Variants in TMEM255B observed in about 807,000 individuals in gnomAD.
TMEM255B encodes transmembrane protein 255B.
A neutral mutation model predicts 34.5 loss-of-function variants in TMEM255B; 35 were observed. That is an observed-to-expected ratio of 1.01 (90% CI 0.77 to 1.34). The LOEUF (loss-of-function observed/expected upper bound fraction) is 1.34, where lower values mean the gene tolerates loss of function less well. Among genes scored for constraint, TMEM255B ranks in the 40% most tolerant of loss-of-function variants. The pLI, the probability that TMEM255B is intolerant of heterozygous loss-of-function variation, is 0.00. For missense variants in TMEM255B, 432 were observed against 433.2 expected (o/e 1.00, Z 0.02); for synonymous variants, 206 against 201.2 (o/e 1.02, Z -0.20).
In TMEM255B at chr13:113,812,928, T is replaced by TCCCGGGTGGGTCACAGGC. The variant is rs2051348772; in HGVS notation, c.*1039_*1040insAGGCCCCGGGTGGGTCAC. The TCCCGGGTGGGTCACAGGC allele has an allele frequency of 9.1e-6, 1 of 109,448 alleles. No homozygotes were observed. Among genetic ancestry groups the TCCCGGGTGGGTCACAGGC allele is most frequent in the African/African-American group, 4.2e-5 (1 of 23,790 alleles). The allele number at this position is 109,448 out of a possible 1,614,324, so 6.8% of individuals were successfully genotyped here. On this transcript the variant is annotated 3_prime_UTR_variant, in exon 9 of 9. Coordinates refer to ENST00000375353, the MANE Select transcript of TMEM255B (RefSeq NM_182614.4). ...TCACAGGCCCCGGGTGAGTCACGGG[T>TCCCGGGTGGGTCACAGGC]CCCGGGTGGGTCACGGGTCCCGGGT...
rs975082348 is a variant in TMEM255B at position 113,806,943 on chromosome 13, C to A, written c.813+1915C>A. Among the ~76,000 whole-genome samples, 7 of 152,202 alleles carry A rather than the reference C, an allele frequency of 4.6e-5. No individual in the cohort carries two copies. The highest frequency in any genetic ancestry group is 1.7e-4 in the African/African-American group (7 of 41,450). On this transcript the variant is annotated intron_variant, in intron 8 of 8. Coordinates refer to ENST00000375353, the MANE Select transcript of TMEM255B (RefSeq NM_182614.4). The surrounding 1 kb of genome is among the most constrained non-coding windows in gnomAD (Gnocchi z 4.2). Reference sequence around the variant, plus strand: ...TCGCATGGGTGCCAAGAACGTGCAGCCCAGAGCATAGCCTCGGTGGCCCAT... The same window carrying A: ...TCGCATGGGTGCCAAGAACGTGCAGACCAGAGCATAGCCTCGGTGGCCCAT...
Position 113,814,101 on chromosome 13 carries a change from GC to G in TMEM255B, c.*2200del, listed in dbSNP as rs2051377744. 3 of 152,356 alleles carry G rather than the reference GC, an allele frequency of 2.0e-5. No homozygotes were observed. In the Middle Eastern group the frequency reaches 0.01, roughly 518 times the overall value. The allele number at this position is 152,356 out of a possible 1,614,324, so 9.4% of individuals were successfully genotyped here. On this transcript the variant is annotated 3_prime_UTR_variant, in exon 9 of 9. Coordinates refer to ENST00000375353, the MANE Select transcript of TMEM255B (RefSeq NM_182614.4). ...GGAAGGCTCTATGGGCGCCGATGGT[GC>G]CGTGGTCTTGTGTGGGCGGTTCCTG...
At chr13:113,790,344 A>G (rs34409548) in intron 3 of TMEM255B, among the ~76,000 whole-genome samples, 56 of 51,668 alleles carry the variant, frequency 1.1e-3, no homozygotes, top group Middle Eastern at 0.015. Context: ...CCGGACACAT[A>G]GACATCCTAG....
intron 2 of TMEM255B, chr13:113,768,182 G>C (rs531822506): frequency 2.1e-6 from 1 of 470,034 alleles, no homozygotes; most frequent in African/African-American, 2.0e-5. Context: ...CCGGCCCGGC[G>C]CACCTGCGTG....
chr13:113,778,164 T>A (rs1391037969), intron 3 of TMEM255B, among the ~76,000 whole-genome samples: 1 of 152,212 alleles, frequency 6.6e-6, no homozygotes, highest in Non-Finnish European at 1.5e-5. Flanking sequence ...TGTTCCTGTC[T>A]GGCAGAACCC....
At chr13:113,799,118 A>T (rs1180810498) in intron 4 of TMEM255B, among the ~76,000 whole-genome samples, 2 of 152,178 alleles carry the variant, frequency 1.3e-5, no homozygotes, top group Admixed American at 6.5e-5. Flanking sequence ...GTACCCTCCC[A>T]TGGGGCTTTC....
chr13:113,777,282 C>T lies in TMEM255B; in HGVS notation c.252+8122C>T, dbSNP rs7491011. ...CTCCCTCTCCTCTATCTCTCTGTCT[C>T]TGTCTCCCTCTCTATCTCTCTGCCT... On this transcript the variant is annotated intron_variant, in intron 3 of 8. Coordinates refer to ENST00000375353, the MANE Select transcript of TMEM255B (RefSeq NM_182614.4). Among the ~76,000 whole-genome samples, 526 of 152,184 alleles carry T rather than the reference C, an allele frequency of 3.5e-3. 6 individuals carry two copies. The highest frequency in any genetic ancestry group is 0.012 in the African/African-American group (508 of 41,530).
intron 3 of TMEM255B, among the ~76,000 whole-genome samples, chr13:113,774,188 A>G (rs1218390706): frequency 6.6e-6 from 1 of 151,590 alleles, no homozygotes; most frequent in Non-Finnish European, 1.5e-5. Flanking sequence ...TTTCATTTAT[A>G]AAGATTTCAC....
intron 4 of TMEM255B, among the ~76,000 whole-genome samples, chr13:113,798,998 A>C (rs746681199): frequency 1.8e-4 from 28 of 152,232 alleles, no homozygotes; most frequent in Non-Finnish European, 4.0e-4. Flanking sequence ...GAAACGATGC[A>C]GGAGCCTAAC....
Position 113,811,945 on chromosome 13 carries a change from T to TAAG in TMEM255B, c.*44_*45insGAA. 1 of 1,493,718 alleles carries TAAG rather than the reference T, an allele frequency of 6.7e-7. No homozygotes were observed. The highest frequency in any genetic ancestry group is 2.3e-5 in the Admixed American group (1 of 43,902). 92.5% of individuals were successfully genotyped at this position (1,493,718 alleles called of 1,614,324 possible). A position where few individuals can be genotyped will look rare whatever the true frequency, so the allele number is the denominator to read the frequency against. ...AAGATAACTTGTTTGTTTTTTTTTT[T>TAAG]AAAAAAAAGGCAGCCTCTAGAAATC... On this transcript the variant is annotated 3_prime_UTR_variant, in exon 9 of 9. Coordinates refer to ENST00000375353, the MANE Select transcript of TMEM255B (RefSeq NM_182614.4).
intron 1 of TMEM255B, among the ~76,000 whole-genome samples, chr13:113,759,603 C>G (rs2050261529): frequency 6.6e-6 from 1 of 152,198 alleles, no homozygotes; most frequent in African/African-American, 2.4e-5. Context: ...CAGTCTTTGC[C>G]TTTCTCTGAC....
rs2050999513 is a variant in TMEM255B at position 113,799,374 on chromosome 13, T to A, written c.378T>A (p.Phe126Leu). 6.2e-7 allele frequency: 1 copy of A among 1,614,162 alleles called. No homozygotes were observed. Among genetic ancestry groups the A allele is most frequent in the Non-Finnish European group, 8.5e-7 (1 of 1,180,032 alleles). ...PRPLTTGRCQ[F>L]YSSGVGYLYD... is the part of the protein sequence containing the mutation. ...CCCTCACCACGGGAAGATGCCAGTTTTACTCCAGTGGGGTGGGGTACTTGT... is the reference window on the plus strand; with the variant it reads ...CCCTCACCACGGGAAGATGCCAGTTATACTCCAGTGGGGTGGGGTACTTGT... Residue 126 changes from phenylalanine (F) to leucine (L), a missense_variant, in exon 5 of 9, where the codon TTT (phenylalanine) becomes TTA (leucine). Transcript: ENST00000375353.
At chr13:113,777,281 T>G (rs1013600800) in intron 3 of TMEM255B, among the ~76,000 whole-genome samples, 12 of 152,008 alleles carry the variant, frequency 7.9e-5, no homozygotes, top group African/African-American at 2.9e-4. Context: ...TCTCTCTGTC[T>G]CTGTCTCCCT....
intron 5 of TMEM255B, chr13:113,799,620 A>G: frequency 7.9e-6 from 5 of 636,180 alleles, no homozygotes; most frequent in Non-Finnish European, 1.1e-5. Flanking sequence ...CTCTGGAGTC[A>G]GAGTTCTGGA....
rs1205505430 is a variant in TMEM255B at position 113,801,932 on chromosome 13, G to A, written c.669+120G>A. ...TTACAGATGGGGCACTGAAGCCCAT[G>A]CGTCTGTCAGCAGGGTGTCAGGGTG... On this transcript the variant is annotated intron_variant, in intron 7 of 8. Coordinates refer to ENST00000375353, the MANE Select transcript of TMEM255B (RefSeq NM_182614.4). 9 of 1,168,450 alleles carry A rather than the reference G, an allele frequency of 7.7e-6. No homozygotes were observed. In the Admixed American group the frequency reaches 2.6e-4, roughly 33 times the overall value. The allele number at this position is 1,168,450 out of a possible 1,614,324, so 72.4% of individuals were successfully genotyped here. A position where few individuals can be genotyped will look rare whatever the true frequency, so the allele number is the denominator to read the frequency against.
intron 4 of TMEM255B, among the ~76,000 whole-genome samples, chr13:113,796,128 A>C (rs2050927993): frequency 1.6e-5 from 2 of 125,580 alleles, no homozygotes; most frequent in African/African-American, 6.2e-5. Flanking sequence ...ACAGCACACA[A>C]CACACAGAGC....
intron 1 of TMEM255B, among the ~76,000 whole-genome samples, chr13:113,759,672 C>T (rs1434159618): frequency 6.6e-6 from 1 of 152,208 alleles, no homozygotes; most frequent in Non-Finnish European, 1.5e-5. Flanking sequence ...GAGGAACAGG[C>T]GCCCCAAAGT....
intron 5 of TMEM255B, chr13:113,800,063 C>CGTGT: frequency 1.9e-5 from 20 of 1,065,948 alleles, no homozygotes; most frequent in African/African-American, 1.6e-4. Context: ...CGGGAGGCAT[C>CGTGT]GTGTGTGTGT....
chr13:113,813,391 G>C lies in TMEM255B; in HGVS notation c.*1488G>C, dbSNP rs912187941. 1 of 152,312 alleles carries C rather than the reference G, an allele frequency of 6.6e-6. No individual in the cohort carries two copies. The highest frequency in any genetic ancestry group is 2.4e-5 in the African/African-American group (1 of 41,474). The allele number at this position is 152,312 out of a possible 1,614,324, so 9.4% of individuals were successfully genotyped here. ...CGCTCTTCTCCCGTGTGGGTCTGAG[G>C]TCTCCAGCTTACTTCACGGAACAGT... On this transcript the variant is annotated 3_prime_UTR_variant, in exon 9 of 9. Transcript: ENST00000375353.
Sources: gnomAD v4.1 joint callset for allele counts (sites outside exome capture counted in the v4.1 genomes callset) on GRCh38, gnomAD v4.1.1 for gene constraint, Gnocchi (gnomAD v3.1) non-coding constraint, MANE v1.5 for transcripts, NCBI Gene and HGNC (gene_info 2026-07-23, HGNC 2026-07-21) for gene names.